The following SLC25A13 variants were observed in gnomAD, a reference collection of about 807,000 sequenced individuals.
SLC25A13 encodes the protein solute carrier family 25 member 13, also known as electrogenic aspartate/glutamate antiporter SLC25A13, mitochondrial.
Under a neutral mutation model 85.5 loss-of-function variants are expected in SLC25A13, and 70 were observed. That is an observed-to-expected ratio of 0.82 (90% CI 0.68 to 1.00). The LOEUF (loss-of-function observed/expected upper bound fraction) is 1.00, where lower values mean the gene tolerates loss of function less well. Ranked by LOEUF, SLC25A13 falls within the 50% of genes least tolerant of loss-of-function variation. The probability of loss-of-function intolerance (pLI) is 0.00; values close to 1 mark genes in which losing one functional copy is unlikely to be tolerated. For synonymous variants in SLC25A13, 259 were observed against 288.7 expected, an observed-to-expected ratio of 0.90 and a Z score of 1.04; for missense variants, 765 against 819.8, an observed-to-expected ratio of 0.93 and a Z score of 0.82.
intron 4 of SLC25A13, among the ~76,000 whole-genome samples, chr7:96,215,207 T>TC (rs1332646773): frequency 6.6e-6 from 1 of 152,180 alleles, no homozygotes; most frequent in Non-Finnish European, 1.5e-5. Flanking sequence ...CAAGCAATTC[T>TC]CCTGCCTCAG....
rs1359556662 is a variant in SLC25A13 at position 96,192,309 on chromosome 7, A to G, written c.615+728T>C. On this transcript the variant is annotated intron_variant, in intron 6 of 17. Coordinates refer to ENST00000265631, the MANE Select transcript of SLC25A13 (RefSeq NM_014251.3). ...AGAGTTACCACGGGCTATTGGTCCT[A>G]AAACTGAGTTATTACCAAAATCACC... Among the ~76,000 whole-genome samples, 4 of 152,210 alleles carry G rather than the reference A, an allele frequency of 2.6e-5. No homozygotes were observed. In the East Asian group the frequency reaches 5.8e-4, roughly 22 times the overall value.
chr7:96,194,830 C>T (rs932300390), intron 5 of SLC25A13, among the ~76,000 whole-genome samples: 2 of 152,156 alleles, frequency 1.3e-5, no homozygotes, highest in African/African-American at 4.8e-5. Flanking sequence ...AAAGATAAGA[C>T]ATTTAATAGT....
intron 1 of SLC25A13, among the ~76,000 whole-genome samples, chr7:96,304,694 A>AC (rs2117011746): frequency 6.6e-6 from 1 of 151,904 alleles, no homozygotes; most frequent in Admixed American, 6.6e-5. Flanking sequence ...AAACTACCCC[A>AC]CCCCCCAGCT....
chr7:96,173,090 C>T (rs981464479), intron 11 of SLC25A13, among the ~76,000 whole-genome samples: 1 of 152,112 alleles, frequency 6.6e-6, no homozygotes, highest in Non-Finnish European at 1.5e-5. Context: ...TTACTGATAT[C>T]GTCACAATTG....
chr7:96,315,481 C>T (rs1238676334), intron 1 of SLC25A13, among the ~76,000 whole-genome samples: 1 of 152,244 alleles, frequency 6.6e-6, no homozygotes, highest in African/African-American at 2.4e-5. Flanking sequence ...CAAAGGCATT[C>T]ATGGGAATTT....
intron 15 of SLC25A13, among the ~76,000 whole-genome samples, chr7:96,127,921 A>G (rs146459128): frequency 6.6e-6 from 1 of 152,262 alleles, no homozygotes; most frequent in East Asian, 1.9e-4. Flanking sequence ...GGCAACCACA[A>G]AGGGAATGTG....
chr7:96,277,116 A>AATG, intron 3 of SLC25A13, 80 bp downstream of exon 3: 1 of 1,412,412 alleles, frequency 7.1e-7, no homozygotes, highest in South Asian at 1.4e-5. Context: ...GTATACATTT[A>AATG]ATGACTTCCT....
intron 13 of SLC25A13, among the ~76,000 whole-genome samples, chr7:96,150,524 C>A (rs1792992112): frequency 6.6e-6 from 1 of 152,082 alleles, no homozygotes; most frequent in Non-Finnish European, 1.5e-5. Flanking sequence ...GAAGTCCTAA[C>A]TCTCAAATAT....
At chr7:96,146,774 C>T in intron 13 of SLC25A13, 78 bp from the exon 14 acceptor site, 2 of 1,499,714 alleles carry the variant, frequency 1.3e-6, no homozygotes, top group Non-Finnish European at 1.9e-6. Context: ...TGATTATTCT[C>T]AAGGATAAAA....
chr7:96,165,313 G>T (rs1793699407), intron 13 of SLC25A13, among the ~76,000 whole-genome samples: 1 of 152,140 alleles, frequency 6.6e-6, no homozygotes, highest in Non-Finnish European at 1.5e-5. Flanking sequence ...AGTGGGGAGG[G>T]TTAACATTTT....
At chr7:96,255,614 G>A (rs1797603944) in intron 3 of SLC25A13, among the ~76,000 whole-genome samples, 1 of 152,144 alleles carries the variant, frequency 6.6e-6, no homozygotes, top group African/African-American at 2.4e-5. Flanking sequence ...TTGAGCCCAG[G>A]CGGTTGAGGC....
chr7:96,302,864 C>T (rs1183254577), intron 1 of SLC25A13, among the ~76,000 whole-genome samples: 2 of 152,168 alleles, frequency 1.3e-5, no homozygotes, highest in Non-Finnish European at 2.9e-5. Context: ...CCCAGCAATC[C>T]CCTATGATTT....
intron 4 of SLC25A13, among the ~76,000 whole-genome samples, chr7:96,212,272 A>C (rs572834476): frequency 5.9e-5 from 9 of 152,322 alleles, no homozygotes; most frequent in African/African-American, 2.2e-4. Context: ...TATTGTAGGA[A>C]TGTCAGGGCT....
At chr7:96,259,109 C>T (rs1013478071) in intron 3 of SLC25A13, among the ~76,000 whole-genome samples, 2 of 152,046 alleles carry the variant, frequency 1.3e-5, no homozygotes, top group Non-Finnish European at 2.9e-5. Context: ...CCATAAAAAC[C>T]CTAGAAGAAA....
chr7:96,294,429 T>TA (rs1235339698), intron 2 of SLC25A13, among the ~76,000 whole-genome samples: 5 of 151,666 alleles, frequency 3.3e-5, no homozygotes, highest in African/African-American at 1.2e-4. Flanking sequence ...TAAAGTATAA[T>TA]AAAAAAATAA....
chr7:96,171,381 A>G, intron 12 of SLC25A13, 91 bp downstream of exon 12: 1 of 1,225,216 alleles, frequency 8.2e-7, no homozygotes, highest in Non-Finnish European at 1.2e-6. Flanking sequence ...CCTCTGAGAA[A>G]ACAAACCTGC....
At chr7:96,148,853 C>G (rs148151125) in intron 13 of SLC25A13, among the ~76,000 whole-genome samples, 1 of 152,248 alleles carries the variant, frequency 6.6e-6, no homozygotes, top group Non-Finnish European at 1.5e-5. Context: ...CTTCGGTCTC[C>G]CTATTTGTCA....
chr7:96,138,509 C>T (rs1033854729), intron 14 of SLC25A13, among the ~76,000 whole-genome samples: 2 of 151,656 alleles, frequency 1.3e-5, no homozygotes, highest in South Asian at 2.1e-4. Flanking sequence ...GCTCTTCCCC[C>T]CTCAGCCTCC....
chr7:96,145,492 T>C (rs550839098), intron 14 of SLC25A13, among the ~76,000 whole-genome samples: 1 of 152,334 alleles, frequency 6.6e-6, no homozygotes, highest in South Asian at 2.1e-4. Context: ...ATTTCAAGTT[T>C]ACTCTAGCAA....
Sources: gnomAD v4.1 joint callset for allele counts (sites outside exome capture counted in the v4.1 genomes callset) on GRCh38, gnomAD v4.1.1 for gene constraint, MANE v1.5 for transcripts, NCBI Gene and HGNC (gene_info 2026-07-23, HGNC 2026-07-21) for gene names.